Variants in HDAC5 observed in about 807,000 individuals in gnomAD.
HDAC5 encodes antigen NY-CO-9.
Under a neutral mutation model 133.3 loss-of-function variants are expected in HDAC5, and 25 were observed. The observed-to-expected ratio is 0.19, with a 90% CI of 0.14 to 0.26. The LOEUF (loss-of-function observed/expected upper bound fraction) is 0.26, where lower values mean the gene tolerates loss of function less well. Ranked by LOEUF, HDAC5 falls within the 10% of genes least tolerant of loss-of-function variation. The probability of loss-of-function intolerance (pLI) is 1.00; values close to 1 mark genes in which losing one functional copy is unlikely to be tolerated. For missense variants in HDAC5, 1,041 were observed against 1,460.5 expected (o/e 0.71, Z 4.68); for synonymous variants, 589 against 610.8 (o/e 0.96, Z 0.53).
Position 44,123,611 on chromosome 17 carries a change from G to A in HDAC5, c.-297C>T, listed in dbSNP as rs998703107. On this transcript the variant is annotated 5_prime_UTR_variant, in exon 1 of 27. Transcript: ENST00000682912. Reference sequence around the variant, plus strand: ...CCTCCATCTTTGCGGCGGCTCCTCCGGCTCCGCTCGCCGCCGCCACCAACA... The same window carrying A: ...CCTCCATCTTTGCGGCGGCTCCTCCAGCTCCGCTCGCCGCCGCCACCAACA... 2.5e-6 allele frequency: 1 copy of A among 396,800 alleles called. No individual in the cohort carries two copies. The highest frequency in any genetic ancestry group is 4.4e-6 in the Non-Finnish European group (1 of 224,966). The allele number at this position is 396,800 out of a possible 1,614,324, so 24.6% of individuals were successfully genotyped here.
chr17:44,091,135 C>A, intron 11 of HDAC5, 135 bp downstream of exon 11: 1 of 749,288 alleles, frequency 1.3e-6, no homozygotes, highest in South Asian at 1.6e-5. Context: ...GTAGGTATCC[C>A]ATGTTTCCAG....
intron 3 of HDAC5, among the ~76,000 whole-genome samples, chr17:44,099,729 C>G (rs2051475258): frequency 6.6e-6 from 1 of 152,184 alleles, no homozygotes; most frequent in Admixed American, 6.5e-5. Context: ...CCACCTCAGC[C>G]TCCCAAAGTG....
intron 3 of HDAC5, among the ~76,000 whole-genome samples, chr17:44,100,792 T>C (rs1423807014): frequency 6.6e-6 from 1 of 150,786 alleles, no homozygotes; most frequent in East Asian, 2.0e-4. Flanking sequence ...TACGTAATTT[T>C]TTTTTCTTTT....
At chr17:44,078,986 A>G (rs1331663039) in intron 24 of HDAC5, 107 bp from the exon 25 acceptor site, 8 of 1,519,374 alleles carry the variant, frequency 5.3e-6, no homozygotes, top group Middle Eastern at 1.7e-4. Context: ...AGGGGCAAAC[A>G]TGGCCTTTTT....
At chr17:44,084,950 G>T in intron 15 of HDAC5, 72 bp downstream of exon 15, 1 of 1,523,584 alleles carries the variant, frequency 6.6e-7, no homozygotes, top group Non-Finnish European at 8.9e-7. Context: ...GAAGCATGAA[G>T]AGAGGCTTAT....
intron 3 of HDAC5, among the ~76,000 whole-genome samples, chr17:44,109,317 G>A (rs973357270): frequency 6.6e-6 from 1 of 152,158 alleles, no homozygotes; most frequent in African/African-American, 2.4e-5. Flanking sequence ...GTGGACTCCA[G>A]ACCAGGATAA....
intron 2 of HDAC5, among the ~76,000 whole-genome samples, chr17:44,116,253 T>C (rs1229554638): frequency 6.6e-6 from 1 of 152,208 alleles, no homozygotes; most frequent in African/African-American, 2.4e-5. Flanking sequence ...GCTGGGGTAG[T>C]GTCCAGCCAA....
At position 44,077,767 on chromosome 17, in the gene HDAC5, C is replaced by G. The variant is rs912799854; in HGVS notation, c.*609G>C. ...GACAGCCCTCCTCACAGACTGCAGG[C>G]CACAGCTTGGGCACCAGCCTCCCAT... On this transcript the variant is annotated 3_prime_UTR_variant, in exon 27 of 27. Transcript: ENST00000682912. 4 of 152,496 alleles carry G rather than the reference C, an allele frequency of 2.6e-5. No homozygotes were observed. The highest frequency in any genetic ancestry group is 9.7e-5 in the African/African-American group (4 of 41,436). The allele number at this position is 152,496 out of a possible 1,614,324, so 9.4% of individuals were successfully genotyped here. A position where few individuals can be genotyped will look rare whatever the true frequency, so the allele number is the denominator to read the frequency against.
intron 1 of HDAC5, among the ~76,000 whole-genome samples, chr17:44,122,797 A>G (rs1043957867): frequency 6.6e-6 from 1 of 152,130 alleles, no homozygotes; most frequent in African/African-American, 2.4e-5. Flanking sequence ...CAGATCCAGG[A>G]TGAAAAATGG....
chr17:44,117,328 C>G lies in HDAC5; in HGVS notation c.22+166G>C, dbSNP rs2052708731. 6.6e-6 allele frequency among the ~76,000 whole-genome samples: 1 copy of G among 152,208 alleles called. No individual in the cohort carries two copies. The highest frequency in any genetic ancestry group is 6.5e-5 in the Admixed American group (1 of 15,286). On this transcript the variant is annotated intron_variant, in intron 2 of 26. Transcript: ENST00000682912. This position sits in a 1 kb window ranked among gnomAD's most constrained non-coding sequence, Gnocchi z 4.2. ...ACCGGACCATCGATCCCTCGATTCC[C>G]AGGTCTACCTCATGGGCCCTTTCTT...
Position 44,117,501 on chromosome 17 carries a change from G to A in HDAC5, c.15C>T (p.Asn5=), listed in dbSNP as rs1473645930. The A allele has an allele frequency of 5.0e-6, 8 of 1,613,948 alleles. No homozygotes were observed. The highest frequency in any genetic ancestry group is 1.1e-5 in the South Asian group (1 of 91,080). Reference sequence around the variant, plus strand: ...CAACCTCCCAGCTCTTACCCGACTCGTTGGGAGAGTTCATGCCGGCTCTGG... The same window carrying A: ...CAACCTCCCAGCTCTTACCCGACTCATTGGGAGAGTTCATGCCGGCTCTGG... MNSP[N]ESDGMSGREP... The change falls in exon 2 of 27, where the codon AAC becomes AAT. Residue 5 remains asparagine, a synonymous_variant. Transcript: ENST00000682912. This position sits in a 1 kb window ranked among gnomAD's most constrained non-coding sequence, Gnocchi z 4.2.
At chr17:44,107,720 A>G (rs2052058027) in intron 3 of HDAC5, among the ~76,000 whole-genome samples, 1 of 151,378 alleles carries the variant, frequency 6.6e-6, no homozygotes, top group African/African-American at 2.4e-5. Flanking sequence ...CCCTCCCGGC[A>G]CTACATACCT....
In HDAC5 at chr17:44,110,754, A is replaced by T. The variant is rs1487221559; in HGVS notation, c.69T>A (p.Thr23=). The change falls in exon 3 of 27, where the codon ACT becomes ACA. Residue 23 remains threonine, a synonymous_variant. Coordinates refer to ENST00000682912, the MANE Select transcript of HDAC5 (RefSeq NM_005474.5). ...CTGTCACAGGGATGCTGTGCAGAGA[A>T]GTCCGCGGCAGGATTTCCAAGGATG... ...REPSLEILPR[T]SLHSIPVTVE... is the part of the protein sequence containing the mutation. 1 of 1,613,868 alleles carries T rather than the reference A, an allele frequency of 6.2e-7. No homozygotes were observed. The highest frequency in any genetic ancestry group is 8.5e-7 in the Non-Finnish European group (1 of 1,179,936).
rs188998446 is a variant in HDAC5 at position 44,084,105 on chromosome 17, A to C, written c.2306-251T>G. Among the ~76,000 whole-genome samples the C allele has an allele frequency of 4.6e-5, 7 of 151,812 alleles. No homozygotes were observed. The East Asian group carries it at 1.4e-3, about 29-fold the overall frequency. On this transcript the variant is annotated intron_variant, in intron 16 of 26. Coordinates refer to ENST00000682912, the MANE Select transcript of HDAC5 (RefSeq NM_005474.5). ...GCACCACTGTACTCCAGCCTGGCCAACAGAGCAAGACTGTCTCAAAAAAAA... is the reference window on the plus strand; with the variant it reads ...GCACCACTGTACTCCAGCCTGGCCACCAGAGCAAGACTGTCTCAAAAAAAA...
rs1041479875 is a variant in HDAC5 at position 44,096,723 on chromosome 17, G to A, written c.95-2889C>T. Among the ~76,000 whole-genome samples, 4 of 151,996 alleles carry A rather than the reference G, an allele frequency of 2.6e-5. No individual in the cohort carries two copies. In the East Asian group the frequency reaches 5.8e-4, roughly 22 times the overall value. On this transcript the variant is annotated intron_variant, in intron 3 of 26. Coordinates refer to ENST00000682912, the MANE Select transcript of HDAC5 (RefSeq NM_005474.5). ...ACTCTTGACCTCAGGTGATCCGCTC[G>A]CCTCGGCCTCCCAAAGGGCTGGGAT...
chr17:44,077,363 G>A lies in HDAC5; in HGVS notation c.*1013C>T, dbSNP rs1420684747. ...AAGCTCCAGCTGAGAGCCGACTCCT[G>A]GATCCCTGGGTTCTGGCCTTACCCC... On this transcript the variant is annotated 3_prime_UTR_variant, in exon 27 of 27. Coordinates refer to ENST00000682912, the MANE Select transcript of HDAC5 (RefSeq NM_005474.5). 6.6e-6 allele frequency: 1 copy of A among 152,472 alleles called. No individual in the cohort carries two copies. The highest frequency in any genetic ancestry group is 1.5e-5 in the Non-Finnish European group (1 of 68,130). The allele number at this position is 152,472 out of a possible 1,614,324, so 9.4% of individuals were successfully genotyped here.
At chr17:44,092,890 A>T (rs2051032124) in intron 6 of HDAC5, 84 bp from the exon 7 acceptor site, 1 of 661,544 alleles carries the variant, frequency 1.5e-6, no homozygotes, top group South Asian at 2.2e-5. Context: ...ATCTACATTT[A>T]TGAAAAATCG....
At chr17:44,110,855 CCT>C (rs746240822) in intron 2 of HDAC5, 55 bp from the exon 3 acceptor site, 13 of 1,473,638 alleles carry the variant, frequency 8.8e-6, no homozygotes, top group Middle Eastern at 1.8e-4. Context: ...TCCACGAGCC[CCT>C]GAGCCTTGGG....
rs764722765 is a variant in HDAC5 at position 44,084,687 on chromosome 17, A to G, written c.2185-12T>C. ...CGACCTCGGATCCGCTGCCAGGAGG[A>G]TCAGTAAGAGGGGTCACACAAAGGC... is the stretch of plus-strand genomic sequence containing the variant. On this transcript the variant is annotated splice_polypyrimidine_tract_variant and intron_variant, in intron 15 of 26. Coordinates refer to ENST00000682912, the MANE Select transcript of HDAC5 (RefSeq NM_005474.5). The G allele has an allele frequency of 6.2e-7, 1 of 1,613,668 alleles. No individual in the cohort carries two copies. Among genetic ancestry groups the G allele is most frequent in the East Asian group, 2.2e-5 (1 of 44,872 alleles).
Sources: gnomAD v4.1 joint callset for allele counts (sites outside exome capture counted in the v4.1 genomes callset) on GRCh38, gnomAD v4.1.1 for gene constraint, Gnocchi (gnomAD v3.1) non-coding constraint, MANE v1.5 for transcripts, NCBI Gene and HGNC (gene_info 2026-07-23, HGNC 2026-07-21) for gene names.